Variants in RFC3 observed in about 807,000 individuals in gnomAD.
RFC3 encodes A1 38 kDa subunit.
In RFC3, 41 loss-of-function variants were observed where a neutral mutation model predicts 45.1. The observed-to-expected ratio is 0.91, with a 90% CI of 0.71 to 1.18. The LOEUF (loss-of-function observed/expected upper bound fraction) is 1.18, where lower values mean the gene tolerates loss of function less well. RFC3 is among the 50% of genes most tolerant of loss of function. The pLI, the probability that RFC3 is intolerant of heterozygous loss-of-function variation, is 0.00. For synonymous variants in RFC3, 149 were observed against 144.0 expected, an observed-to-expected ratio of 1.03 and a Z score of -0.25; for missense variants, 423 against 428.1, an observed-to-expected ratio of 0.99 and a Z score of 0.10.
At chr13:33,835,524 G>GT in intron 8 of RFC3, 1 of 538,762 alleles carries the variant, frequency 1.9e-6, no homozygotes, top group Non-Finnish European at 3.5e-6. Context: ...ATAATGGAGG[G>GT]TGGGGCTACA....
chr13:33,869,080 G>A (rs2082391465), intron 8 of RFC3, among the ~76,000 whole-genome samples: 1 of 152,228 alleles, frequency 6.6e-6, no homozygotes, highest in South Asian at 2.1e-4. Context: ...GTGACACTGA[G>A]TTCTTACTGT....
intron 8 of RFC3, among the ~76,000 whole-genome samples, chr13:33,885,327 G>A (rs2082513635): frequency 6.7e-6 from 1 of 149,404 alleles, no homozygotes; most frequent in Non-Finnish European, 1.5e-5. Flanking sequence ...ACCAATTCCA[G>A]GCTTTCTTTA....
At chr13:33,886,472 G>T (rs1304814137) in intron 8 of RFC3, among the ~76,000 whole-genome samples, 2 of 151,406 alleles carry the variant, frequency 1.3e-5, no homozygotes, top group Non-Finnish European at 2.9e-5. Flanking sequence ...CTTGAACCTG[G>T]GAGGCGGAGG....
At chr13:33,849,829 A>G (rs556037579) in intron 8 of RFC3, 1 of 152,214 alleles carries the variant, frequency 6.6e-6, no homozygotes, top group Admixed American at 6.6e-5. Flanking sequence ...GTGAGCCGAG[A>G]TTGCACCACC....
At chr13:33,911,500 G>A (rs2082703597) in intron 8 of RFC3, among the ~76,000 whole-genome samples, 1 of 152,038 alleles carries the variant, frequency 6.6e-6, no homozygotes, top group Non-Finnish European at 1.5e-5. Context: ...CTGAGGCTGA[G>A]TAATTTATAA....
chr13:33,919,068 T>C (rs531575053), intron 8 of RFC3, among the ~76,000 whole-genome samples: 3 of 152,216 alleles, frequency 2.0e-5, no homozygotes, highest in African/African-American at 7.2e-5. Flanking sequence ...TTGATTTGGG[T>C]TGATGGTAAG....
In RFC3 at chr13:33,856,027, C is replaced by A. The variant is rs575615664; in HGVS notation, c.879+20810C>A. 2.0e-5 allele frequency among the ~76,000 whole-genome samples: 3 copies of A among 152,226 alleles called. No homozygotes were observed. The East Asian group carries it at 5.8e-4, about 29-fold the overall frequency. On this transcript the variant is annotated intron_variant, in intron 8 of 8. Coordinates refer to the RFC3 transcript ENST00000434425. ...GTTGCAATTGCTTTTAGCATCTTTG[C>A]CATTAGATCTTTGCCCATTCCTATG...
intron 8 of RFC3, among the ~76,000 whole-genome samples, chr13:33,872,401 C>T (rs115635757): frequency 1.6e-3 from 241 of 152,232 alleles, no homozygotes; most frequent in African/African-American, 5.5e-3. Context: ...TGAACTTTAC[C>T]AGTCTCCAAA....
intron 8 of RFC3, among the ~76,000 whole-genome samples, chr13:33,879,784 C>T (rs931782292): frequency 2.0e-5 from 3 of 152,096 alleles, no homozygotes; most frequent in African/African-American, 4.8e-5. Flanking sequence ...TGTAGAAGTC[C>T]GCGCTGATTT....
chr13:33,829,098 G>A (rs1181094952), intron 4 of RFC3, among the ~76,000 whole-genome samples: 1 of 152,148 alleles, frequency 6.6e-6, no homozygotes, highest in African/African-American at 2.4e-5. Context: ...TTATGGGGCA[G>A]ATCTAAATGC....
Position 33,886,063 on chromosome 13 carries a change from A to G in RFC3, c.879+50846A>G, listed in dbSNP as rs556327933. ...AAGACATTCAAGGAGAGTCTTCTCAACTGCCTGACTCTCTTCTTGTAATTG... is the reference window on the plus strand; with the variant it reads ...AAGACATTCAAGGAGAGTCTTCTCAGCTGCCTGACTCTCTTCTTGTAATTG... On this transcript the variant is annotated intron_variant, in intron 8 of 8. Coordinates refer to the RFC3 transcript ENST00000434425. Among the ~76,000 whole-genome samples, 129 of 152,136 alleles carry G rather than the reference A, an allele frequency of 8.5e-4. 1 individual carries two copies. The highest frequency in any genetic ancestry group is 1.4e-3 in the Admixed American group (22 of 15,270).
rs1483934431 is a variant in RFC3, at chr13:33,962,590, G to A, written c.880-3497G>A. ...AGGCCAAATATTTATGTTCACTGAT[G>A]TGCATTACAATATTACAATCTGAGA... On this transcript the variant is annotated intron_variant, in intron 8 of 8. Transcript: ENST00000434425. 2.6e-5 allele frequency among the ~76,000 whole-genome samples: 4 copies of A among 152,170 alleles called. No individual in the cohort carries two copies. The South Asian group carries it at 6.2e-4, about 24-fold the overall frequency.
chr13:33,972,186 T>C, the RFC3 span, among the ~76,000 whole-genome samples: 1 of 152,262 alleles, frequency 6.6e-6, no homozygotes, highest in African/African-American at 2.4e-5. Context: ...TCAATTTGTT[T>C]TATAAATTAT....
the RFC3 span, among the ~76,000 whole-genome samples, chr13:33,974,809 A>G: frequency 6.6e-6 from 1 of 152,232 alleles, no homozygotes; most frequent in Non-Finnish European, 1.5e-5. Flanking sequence ...CATATTTCAA[A>G]TTAAAACAAC....
At chr13:33,966,116 C>T in exon 9 of RFC3, 6 of 1,610,778 alleles carry the variant, frequency 3.7e-6, no homozygotes, top group Non-Finnish European at 4.2e-6. Context: ...GAAGCTGTGA[C>T]ATATTCTGAG....
intron 8 of RFC3, among the ~76,000 whole-genome samples, chr13:33,908,206 T>C (rs2082683044): frequency 6.6e-6 from 1 of 151,824 alleles, no homozygotes; most frequent in Non-Finnish European, 1.5e-5. Flanking sequence ...TTAATCAGTT[T>C]GGCAGTTGTT....
At chr13:33,883,427 C>T (rs948467832) in intron 8 of RFC3, among the ~76,000 whole-genome samples, 10 of 152,186 alleles carry the variant, frequency 6.6e-5, no homozygotes, top group African/African-American at 2.2e-4. Context: ...GGCAACATGA[C>T]AGACCCTTGA....
chr13:33,941,468 G>A (rs2082923660), intron 8 of RFC3, among the ~76,000 whole-genome samples: 1 of 152,018 alleles, frequency 6.6e-6, no homozygotes, highest in Non-Finnish European at 1.5e-5. Flanking sequence ...TTCTTAATTT[G>A]TATTTGTCTG....
At chr13:33,912,656 G>A (rs2082710161) in intron 8 of RFC3, among the ~76,000 whole-genome samples, 1 of 152,066 alleles carries the variant, frequency 6.6e-6, no homozygotes, top group Admixed American at 6.6e-5. Context: ...CGGATATGAA[G>A]GGCCATGTGA....
Sources: allele counts gnomAD v4.1 joint callset (sites outside exome capture counted in the v4.1 genomes callset), GRCh38; gene constraint gnomAD v4.1.1; transcripts MANE v1.5; gene names NCBI Gene and HGNC (gene_info 2026-07-23, HGNC 2026-07-21).